Variants in MYSM1 observed in about 807,000 individuals in gnomAD.
The protein encoded by MYSM1 is Myb like, SWIRM and MPN domains 1, also known as deubiquitinase MYSM1.
In MYSM1, 51 loss-of-function variants were observed where a neutral mutation model predicts 116.0. That is an observed-to-expected ratio of 0.44 (90% CI 0.35 to 0.56). The LOEUF (loss-of-function observed/expected upper bound fraction) is 0.56. Ranked by LOEUF, MYSM1 falls within the 20% of genes least tolerant of loss-of-function variation. The pLI, the probability that MYSM1 is intolerant of heterozygous loss-of-function variation, is 0.00. For missense variants in MYSM1, 900 were observed against 974.9 expected (o/e 0.92, Z 1.02); for synonymous variants, 313 against 315.2 (o/e 0.99, Z 0.07).
At chr1:58,680,890 C>T (rs943682409) in intron 8 of MYSM1, among the ~76,000 whole-genome samples, 2 of 151,054 alleles carry the variant, frequency 1.3e-5, no homozygotes, top group African/African-American at 2.4e-5. Flanking sequence ...GGCACGATCT[C>T]GGCTCACTGC....
chr1:58,681,357 G>A (rs1420583442), intron 8 of MYSM1, among the ~76,000 whole-genome samples: 2 of 152,132 alleles, frequency 1.3e-5, no homozygotes, highest in Non-Finnish European at 2.9e-5. Flanking sequence ...AAAGTTAAAA[G>A]CATTTAAGAT....
chr1:58,698,796 C>T lies in MYSM1; in HGVS notation c.68+1189G>A, dbSNP rs1033620465. 4.1e-4 allele frequency among the ~76,000 whole-genome samples: 63 copies of T among 152,308 alleles called. 1 individual carries two copies. The highest frequency in any genetic ancestry group is 6.2e-4 in the South Asian group (3 of 4,830). ...AAGTATTGTTATTAAGGGCTCCCTA[C>T]TCATCTGCAAAGCTTTGAGGGACAA... On this transcript the variant is annotated intron_variant, in intron 1 of 19. Coordinates refer to ENST00000472487, the MANE Select transcript of MYSM1 (RefSeq NM_001085487.3).
At chr1:58,674,516 T>C (rs548731188) in intron 10 of MYSM1, among the ~76,000 whole-genome samples, 102 of 152,352 alleles carry the variant, frequency 6.7e-4, no homozygotes, top group African/African-American at 2.1e-3. Context: ...ATAGCCTAAA[T>C]ACTCTGAGAA....
intron 17 of MYSM1, among the ~76,000 whole-genome samples, chr1:58,663,564 C>T (rs1393750160): frequency 6.6e-6 from 1 of 152,220 alleles, no homozygotes; most frequent in African/African-American, 2.4e-5. Flanking sequence ...ATCTAATACG[C>T]AGTGTTAAGC....
rs1442785328 is a variant in MYSM1 at position 58,656,616 on chromosome 1, G to GT, written c.*3380dup. 2.0e-5 allele frequency: 3 copies of GT among 152,230 alleles called. No homozygotes were observed. The highest frequency in any genetic ancestry group is 3.8e-4 in the East Asian group (2 of 5,196). 9.4% of individuals were successfully genotyped at this position (152,230 alleles called of 1,614,324 possible). A position where few individuals can be genotyped will look rare whatever the true frequency, so the allele number is the denominator to read the frequency against. On this transcript the variant is annotated 3_prime_UTR_variant, in exon 20 of 20. Transcript: ENST00000472487. ...GAGTTTTCGTTAGGTTGGGAAGGAA[G>GT]TAAGTTCAAGTCTATAGATCTATAA...
At chr1:58,680,419 T>C (rs576998257) in intron 8 of MYSM1, among the ~76,000 whole-genome samples, 3 of 152,322 alleles carry the variant, frequency 2.0e-5, no homozygotes, top group South Asian at 2.1e-4. Context: ...TTAACAACTA[T>C]AAAGCACTAT....
At position 58,690,366 on chromosome 1, in the gene MYSM1, C is replaced by T. The variant is rs1479635776; in HGVS notation, c.270G>A (p.Lys90=). 3 of 1,603,164 alleles carry T rather than the reference C, an allele frequency of 1.9e-6. No individual in the cohort carries two copies. Among genetic ancestry groups the T allele is most frequent in the Non-Finnish European group, 2.6e-6 (3 of 1,174,666 alleles). Residue 90 remains lysine (K), a synonymous_variant, in exon 4 of 20, where the codon AAG becomes AAA. Coordinates refer to ENST00000472487, the MANE Select transcript of MYSM1 (RefSeq NM_001085487.3). ...SQPEKVWLDQ[K]EDDKKYMKSL... ...TCTTCATGTATTTTTTATCATCTTC[C>T]TTTTGATCAAGCCAGACTTTTTCCG...
intron 6 of MYSM1, among the ~76,000 whole-genome samples, chr1:58,688,549 T>C (rs1055858103): frequency 2.0e-5 from 3 of 151,504 alleles, no homozygotes; most frequent in African/African-American, 4.9e-5. Context: ...TTCAGTGTAA[T>C]AGACATTCAC....
chr1:58,665,372 T>G (rs1230263881), intron 17 of MYSM1, 127 bp downstream of exon 17: 4 of 698,222 alleles, frequency 5.7e-6, no homozygotes, highest in Non-Finnish European at 9.2e-6. Flanking sequence ...ACCCAAATAA[T>G]GATTCCCTAG....
chr1:58,675,975 A>C (rs1015465329), intron 9 of MYSM1, among the ~76,000 whole-genome samples: 8 of 152,178 alleles, frequency 5.3e-5, no homozygotes, highest in African/African-American at 1.9e-4. Flanking sequence ...GCTCAATATA[A>C]AAGAAAATCA....
At chr1:58,690,707 G>T (rs1644893199) in intron 3 of MYSM1, among the ~76,000 whole-genome samples, 2 of 147,786 alleles carry the variant, frequency 1.4e-5, no homozygotes, top group African/African-American at 2.5e-5. Context: ...TGGCTCATCA[G>T]CTATCATTAG....
At chr1:58,685,315 A>C in intron 6 of MYSM1, 64 bp from the exon 7 acceptor site, 1 of 1,014,148 alleles carries the variant, frequency 9.9e-7, no homozygotes, top group Non-Finnish European at 1.4e-6. Context: ...AGTCCAAGCC[A>C]CTACCACATT....
chr1:58,695,660 GA>G (rs34226722), intron 1 of MYSM1, among the ~76,000 whole-genome samples: 2,439 of 137,992 alleles, frequency 0.018, 68 homozygotes, highest in African/African-American at 0.064. Flanking sequence ...TAAAATGAAA[GA>G]AAAAAAAAAA....
chr1:58,673,575 C>T lies in MYSM1; in HGVS notation c.1570G>A (p.Glu524Lys). ...DAKDLEGQTF[E>K]HLSAEELAKR... Reference sequence around the variant, plus strand: ...GCCATTTGAAAGGTCAAAGTTACCTCAAACGTTTGTCCTTCTAAGTCCTTT... The same window carrying T: ...GCCATTTGAAAGGTCAAAGTTACCTTAAACGTTTGTCCTTCTAAGTCCTTT... Residue 524 changes from glutamate (E) to lysine (K), a missense_variant and splice_region_variant, in exon 11 of 20, where the codon GAG (glutamate) becomes AAG (lysine). Physicochemically the swap from Glu to Lys is moderately conservative, Grantham distance 56 (BLOSUM62 1). Around this residue, in one of 3 missense-constraint regions of MYSM1, gnomAD observed 622 missense variants for 623.7 expected, o/e 1.00. Transcript: ENST00000472487. The T allele has an allele frequency of 1.2e-6, 2 of 1,613,842 alleles. No homozygotes were observed. The highest frequency in any genetic ancestry group is 1.7e-6 in the Non-Finnish European group (2 of 1,179,796).
At chr1:58,684,268 A>G in intron 7 of MYSM1, among the ~76,000 whole-genome samples, 1 of 152,164 alleles carries the variant, frequency 6.6e-6, no homozygotes, top group East Asian at 1.9e-4. Context: ...CAAAGAGGAT[A>G]TATTAAAAAA....
rs1271178940 is a variant in MYSM1, at chr1:58,659,163, T to C, written c.*834A>G. ...TGAAAGGCTTGTTTTAAAAATTAAATCTCTGATTTATTCCAGCTTTATTAT... is the reference window on the plus strand; with the variant it reads ...TGAAAGGCTTGTTTTAAAAATTAAACCTCTGATTTATTCCAGCTTTATTAT... On this transcript the variant is annotated 3_prime_UTR_variant, in exon 20 of 20. Coordinates refer to ENST00000472487, the MANE Select transcript of MYSM1 (RefSeq NM_001085487.3). 1 of 152,154 alleles carries C rather than the reference T, an allele frequency of 6.6e-6. No individual in the cohort carries two copies. Among genetic ancestry groups the C allele is most frequent in the Non-Finnish European group, 1.5e-5 (1 of 68,022 alleles). The allele number at this position is 152,154 out of a possible 1,614,324, so 9.4% of individuals were successfully genotyped here.
At chr1:58,688,623 T>G (rs1644861853) in intron 6 of MYSM1, among the ~76,000 whole-genome samples, 2 of 151,198 alleles carry the variant, frequency 1.3e-5, no homozygotes, top group African/African-American at 2.4e-5. Context: ...GTGTATACAA[T>G]GCCAAATTAT....
At chr1:58,694,457 T>A (rs927044798) in intron 2 of MYSM1, among the ~76,000 whole-genome samples, 1 of 151,780 alleles carries the variant, frequency 6.6e-6, no homozygotes, top group African/African-American at 2.4e-5. Context: ...CCCGCCTCTA[T>A]GAAAAATACA....
chr1:58,665,512 T>A lies in MYSM1; in HGVS notation c.2151A>T (p.Pro717=). The change falls in exon 17 of 20, where the codon CCA becomes CCT. Residue 717 remains proline (P), a synonymous_variant. Coordinates refer to ENST00000472487, the MANE Select transcript of MYSM1 (RefSeq NM_001085487.3). ...TTGAAAACTTACGATAAGAGCCATCTGGGCTAATTTCCTCACTTATAACCA... is the reference window on the plus strand; with the variant it reads ...TTGAAAACTTACGATAAGAGCCATCAGGGCTAATTTCCTCACTTATAACCA... ...TCLVISEEIS[P]DGSYRLPYKF... 1 of 1,598,048 alleles carries A rather than the reference T, an allele frequency of 6.3e-7. No homozygotes were observed. The highest frequency in any genetic ancestry group is 8.5e-7 in the Non-Finnish European group (1 of 1,172,444).
Sources: gnomAD v4.1 joint callset for allele counts (sites outside exome capture counted in the v4.1 genomes callset) on GRCh38, gnomAD v4.1.1 for gene constraint, gnomAD v4.1.1 regional missense constraint, MANE v1.5 for transcripts, NCBI Gene and HGNC (gene_info 2026-07-23, HGNC 2026-07-21) for gene names.